The following KCNQ1OT1 variants were observed in gnomAD, a reference collection of about 807,000 sequenced individuals.
KCNQ1OT1 encodes KCNQ1 antisense RNA 2 (non-protein coding).
exon 1 of KCNQ1OT1, chr11:2,680,443 T>C (rs1850376520): frequency 2.5e-6 from 1 of 398,422 alleles, no homozygotes; most frequent in African/African-American, 2.1e-5. Context: ...CTAAAATTCA[T>C]TTCTGGGTAT....
In KCNQ1OT1 at chr11:2,626,404, C is replaced by T. The variant is rs545545349; in HGVS notation, n.73591G>A. 4 of 398,588 alleles carry T rather than the reference C, an allele frequency of 1.0e-5. No individual in the cohort carries two copies. Among genetic ancestry groups the T allele is most frequent in the African/African-American group, 2.1e-5 (1 of 48,756 alleles). 24.7% of individuals were successfully genotyped at this position (398,588 alleles called of 1,614,324 possible). A position where few individuals can be genotyped will look rare whatever the true frequency, so the allele number is the denominator to read the frequency against. On this transcript the variant is annotated non_coding_transcript_exon_variant, in exon 1 of 1. Transcript: ENST00000597346. This position sits in a 1 kb window ranked among gnomAD's most constrained non-coding sequence, Gnocchi z 4.0. ...TTCCCTATTGAATGGTCTTGGCACT[C>T]TTCTCAGGAATCATTTGATCATGTA... is the stretch of plus-strand genomic sequence containing the variant.
At position 2,626,597 on chromosome 11, in the gene KCNQ1OT1, C is replaced by G. The variant is rs1489811648; in HGVS notation, n.73398G>C. 5 of 398,524 alleles carry G rather than the reference C, an allele frequency of 1.3e-5. No homozygotes were observed. The highest frequency in any genetic ancestry group is 4.4e-6 in the Non-Finnish European group (1 of 226,108). The allele number at this position is 398,524 out of a possible 1,614,324, so 24.7% of individuals were successfully genotyped here. ...ACGCTGGAGTACAGTGGCATTATCACTGCTTACTGCCACCTCAATCTCCCA... is the reference window on the plus strand; with the variant it reads ...ACGCTGGAGTACAGTGGCATTATCAGTGCTTACTGCCACCTCAATCTCCCA... On this transcript the variant is annotated non_coding_transcript_exon_variant, in exon 1 of 1. Coordinates refer to ENST00000597346, the Ensembl canonical transcript of KCNQ1OT1. The surrounding 1 kb of genome is among the most constrained non-coding windows in gnomAD (Gnocchi z 4.0).
In KCNQ1OT1 at chr11:2,626,123, G is replaced by A. The variant is rs557054332; in HGVS notation, n.73872C>T. 2.8e-4 allele frequency: 111 copies of A among 398,456 alleles called. No homozygotes were observed. Among genetic ancestry groups the A allele is most frequent in the African/African-American group, 6.6e-4 (32 of 48,686 alleles). 24.7% of individuals were successfully genotyped at this position (398,456 alleles called of 1,614,324 possible). On this transcript the variant is annotated non_coding_transcript_exon_variant, in exon 1 of 1. Coordinates refer to ENST00000597346, the Ensembl canonical transcript of KCNQ1OT1. The surrounding 1 kb of genome is among the most constrained non-coding windows in gnomAD (Gnocchi z 4.0). Reference sequence around the variant, plus strand: ...TTTTATTGCCTGTGCCTTTGGTGTCGCATACAAGAAGCACTGCCAATGATG... The same window carrying A: ...TTTTATTGCCTGTGCCTTTGGTGTCACATACAAGAAGCACTGCCAATGATG...
At chr11:2,610,157 ATTC>A in exon 1 of KCNQ1OT1, 1 of 397,264 alleles carries the variant, frequency 2.5e-6, no homozygotes, top group Non-Finnish European at 4.4e-6. Flanking sequence ...TTCTTTTATG[ATTC>A]TTCAATATTC....
At chr11:2,609,585 T>A (rs1848943433) in exon 1 of KCNQ1OT1, 1 of 266,980 alleles carries the variant, frequency 3.7e-6, no homozygotes, top group Non-Finnish European at 6.6e-6. Flanking sequence ...TTATTGATCT[T>A]CTTTCTTGTA....
chr11:2,651,199 T>G lies in KCNQ1OT1; in HGVS notation n.48796A>C, dbSNP rs1849751397. On this transcript the variant is annotated non_coding_transcript_exon_variant, in exon 1 of 1. Transcript: ENST00000597346. The surrounding 1 kb of genome is among the most constrained non-coding windows in gnomAD (Gnocchi z 6.1). ...CTACTCAAATGTTCCGACAGCTTCC[T>G]GTCACCCTGTCTTGTGTCAGTCTCA... is the stretch of plus-strand genomic sequence containing the variant. 2 of 396,872 alleles carry G rather than the reference T, an allele frequency of 5.0e-6. No individual in the cohort carries two copies. Among genetic ancestry groups the G allele is most frequent in the Non-Finnish European group, 8.9e-6 (2 of 225,392 alleles). The allele number at this position is 396,872 out of a possible 1,614,324, so 24.6% of individuals were successfully genotyped here.
At chr11:2,619,259 A>T (rs368892731) in exon 1 of KCNQ1OT1, 9 of 398,386 alleles carry the variant, frequency 2.3e-5, no homozygotes, top group Non-Finnish European at 4.0e-5. Flanking sequence ...GTACTGGTTC[A>T]TAGTAGAAGG....
chr11:2,691,303 G>T lies in KCNQ1OT1; in HGVS notation n.8692C>A, dbSNP rs1188820457. On this transcript the variant is annotated non_coding_transcript_exon_variant, in exon 1 of 1. Transcript: ENST00000597346. The surrounding 1 kb of genome is among the most constrained non-coding windows in gnomAD (Gnocchi z 6.4). ...GAAGGAGAGCTGACAAGAAAAAGGCGATGTCTCACCCCTGAGCTACAATCC... is the reference window on the plus strand; with the variant it reads ...GAAGGAGAGCTGACAAGAAAAAGGCTATGTCTCACCCCTGAGCTACAATCC... 3 of 398,602 alleles carry T rather than the reference G, an allele frequency of 7.5e-6. No individual in the cohort carries two copies. Among genetic ancestry groups the T allele is most frequent in the Non-Finnish European group, 1.3e-5 (3 of 226,080 alleles). The allele number at this position is 398,602 out of a possible 1,614,324, so 24.7% of individuals were successfully genotyped here. A position where few individuals can be genotyped will look rare whatever the true frequency, so the allele number is the denominator to read the frequency against.
Position 2,668,552 on chromosome 11 carries a change from T to C in KCNQ1OT1, n.31443A>G. On this transcript the variant is annotated non_coding_transcript_exon_variant, in exon 1 of 1. Transcript: ENST00000597346. This position sits in a 1 kb window ranked among gnomAD's most constrained non-coding sequence, Gnocchi z 4.3. Reference sequence around the variant, plus strand: ...GCAGTAACCTGTTGACTAATGAAGTTGAGTCCCTTTCCATGTTATCATTTA... The same window carrying C: ...GCAGTAACCTGTTGACTAATGAAGTCGAGTCCCTTTCCATGTTATCATTTA... 1 of 398,664 alleles carries C rather than the reference T, an allele frequency of 2.5e-6. No homozygotes were observed. The highest frequency in any genetic ancestry group is 4.4e-6 in the Non-Finnish European group (1 of 226,072). The allele number at this position is 398,664 out of a possible 1,614,324, so 24.7% of individuals were successfully genotyped here. A position where few individuals can be genotyped will look rare whatever the true frequency, so the allele number is the denominator to read the frequency against.
rs1850302364 is a variant in KCNQ1OT1 at position 2,676,776 on chromosome 11, T to C, written n.23219A>G. The C allele has an allele frequency of 2.5e-6, 1 of 398,488 alleles. No homozygotes were observed. The highest frequency in any genetic ancestry group is 4.4e-6 in the Non-Finnish European group (1 of 226,078). The allele number at this position is 398,488 out of a possible 1,614,324, so 24.7% of individuals were successfully genotyped here. A position where few individuals can be genotyped will look rare whatever the true frequency, so the allele number is the denominator to read the frequency against. ...CTGTATGAAGCAACCCTAGGACATTTGAAGAGAATGGAGTGATGGCCAGTG... is the reference window on the plus strand; with the variant it reads ...CTGTATGAAGCAACCCTAGGACATTCGAAGAGAATGGAGTGATGGCCAGTG... On this transcript the variant is annotated non_coding_transcript_exon_variant, in exon 1 of 1. Transcript: ENST00000597346. This position sits in a 1 kb window ranked among gnomAD's most constrained non-coding sequence, Gnocchi z 4.2.
At chr11:2,656,832 T>G (rs1481639305) in exon 1 of KCNQ1OT1, 1 of 398,524 alleles carries the variant, frequency 2.5e-6, no homozygotes, top group Non-Finnish European at 4.4e-6. Flanking sequence ...CATGTGACCT[T>G]TATAGTTATG....
At chr11:2,672,414 T>G (rs1324284880) in exon 1 of KCNQ1OT1, 6 of 398,164 alleles carry the variant, frequency 1.5e-5, no homozygotes, top group African/African-American at 1.2e-4. Context: ...GGGATGAGAG[T>G]ACAGAACAGT....
rs567617500 is a variant in KCNQ1OT1 at position 2,693,626 on chromosome 11, C to T, written n.6369G>A. The T allele has an allele frequency of 2.0e-5, 8 of 398,638 alleles. No homozygotes were observed. In the Admixed American group the frequency reaches 3.5e-4, roughly 18 times the overall value. 24.7% of individuals were successfully genotyped at this position (398,638 alleles called of 1,614,324 possible). A position where few individuals can be genotyped will look rare whatever the true frequency, so the allele number is the denominator to read the frequency against. ...AATTGCAAACAAGAGCTTCGCCCAGCCGTAGGAAAGGCTCTGGGAGAAAGG... is the reference window on the plus strand; with the variant it reads ...AATTGCAAACAAGAGCTTCGCCCAGTCGTAGGAAAGGCTCTGGGAGAAAGG... On this transcript the variant is annotated non_coding_transcript_exon_variant, in exon 1 of 1. Coordinates refer to ENST00000597346, the Ensembl canonical transcript of KCNQ1OT1.
At chr11:2,656,720 C>T (rs897197109) in exon 1 of KCNQ1OT1, 37 of 398,522 alleles carry the variant, frequency 9.3e-5, no homozygotes, top group Middle Eastern at 1.3e-3. Flanking sequence ...TGGGTCTTAA[C>T]TCTAATGTCA....
chr11:2,629,189 G>A (rs1182100737), exon 1 of KCNQ1OT1: 11 of 397,996 alleles, frequency 2.8e-5, no homozygotes, highest in Non-Finnish European at 4.4e-5. Context: ...GAGTAGTATA[G>A]CTATTTCGGC....
chr11:2,622,218 T>C, exon 1 of KCNQ1OT1: 1 of 398,432 alleles, frequency 2.5e-6, no homozygotes, highest in Non-Finnish European at 4.4e-6. Context: ...TATTTTCTTA[T>C]ATTCTGGGGC....
rs1265413792 is a variant in KCNQ1OT1 at position 2,698,548 on chromosome 11, C to T, written n.1447G>A. ...CCCCCAACTCAGACTGCAACCTTTA[C>T]TTCGCCCCCTAATTCCTGACTCAGA... On this transcript the variant is annotated non_coding_transcript_exon_variant, in exon 1 of 1. Coordinates refer to ENST00000597346, the Ensembl canonical transcript of KCNQ1OT1. The surrounding 1 kb of genome is among the most constrained non-coding windows in gnomAD (Gnocchi z 5.1). 5.0e-6 allele frequency: 2 copies of T among 398,426 alleles called. No homozygotes were observed. The highest frequency in any genetic ancestry group is 7.1e-5 in the East Asian group (2 of 28,072). 24.7% of individuals were successfully genotyped at this position (398,426 alleles called of 1,614,324 possible). A position where few individuals can be genotyped will look rare whatever the true frequency, so the allele number is the denominator to read the frequency against.
Position 2,695,560 on chromosome 11 carries a change from G to A in KCNQ1OT1, n.4435C>T. ...CCACCCCTATGGGCCATGCTGCCCT[G>A]AGCATGCACACACACAGCCTCTCGT... On this transcript the variant is annotated non_coding_transcript_exon_variant, in exon 1 of 1. Transcript: ENST00000597346. The surrounding 1 kb of genome is among the most constrained non-coding windows in gnomAD (Gnocchi z 5.2). 1 of 398,608 alleles carries A rather than the reference G, an allele frequency of 2.5e-6. No homozygotes were observed. 24.7% of individuals were successfully genotyped at this position (398,608 alleles called of 1,614,324 possible).
chr11:2,694,084 C>T, exon 1 of KCNQ1OT1: 1 of 398,666 alleles, frequency 2.5e-6, no homozygotes, highest in Non-Finnish European at 4.4e-6. Context: ...TCCAACTAAA[C>T]CTCTGGGTGG....
Sources: allele counts gnomAD v4.1 joint callset, GRCh38; gene constraint gnomAD v4.1.1; non-coding constraint Gnocchi (gnomAD v3.1); transcripts MANE v1.5; gene names NCBI Gene and HGNC (gene_info 2026-07-23, HGNC 2026-07-21).